CADM4: variants seen among roughly 807,000 people sequenced by gnomAD.
CADM4 encodes TSLC1-like 2.
A neutral mutation model predicts 43.9 loss-of-function variants in CADM4; 13 were observed. The observed-to-expected ratio is 0.30, with a 90% CI of 0.19 to 0.47. The LOEUF (loss-of-function observed/expected upper bound fraction) is 0.47, where lower values mean the gene tolerates loss of function less well. Ranked by LOEUF, CADM4 falls within the 20% of genes least tolerant of loss-of-function variation. The probability of loss-of-function intolerance (pLI) is 1.00; values close to 1 mark genes in which losing one functional copy is unlikely to be tolerated. For missense variants in CADM4, 420 were observed against 527.0 expected, an observed-to-expected ratio of 0.80 and a Z score of 1.99; for synonymous variants, 209 against 220.9, an observed-to-expected ratio of 0.95 and a Z score of 0.48.
rs1398755926 is a variant in CADM4, at chr19:43,627,595, C to T, written c.211+49G>A. On this transcript the variant is annotated intron_variant, in intron 2 of 8. Coordinates refer to ENST00000222374, the MANE Select transcript of CADM4 (RefSeq NM_145296.2). This position sits in a 1 kb window ranked among gnomAD's most constrained non-coding sequence, Gnocchi z 4.0. The stretch of plus-strand genomic sequence containing the variant: ...CTTTCAGGACATGGGAGCCTGGGCC[C>T]CAGCCCTCTCTTCCTTTAAGACTCC... The T allele has an allele frequency of 6.3e-7, 1 of 1,575,352 alleles. No individual in the cohort carries two copies. Among genetic ancestry groups the T allele is most frequent in the Admixed American group, 1.7e-5 (1 of 58,222 alleles).
At position 43,623,293 on chromosome 19, in the gene CADM4, G is replaced by C. The variant is rs1199125579; in HGVS notation, c.*37C>G. 1.3e-6 allele frequency: 2 copies of C among 1,521,462 alleles called. No individual in the cohort carries two copies. The highest frequency in any genetic ancestry group is 1.8e-6 in the Non-Finnish European group (2 of 1,097,746). 94.2% of individuals were successfully genotyped at this position (1,521,462 alleles called of 1,614,324 possible). Reference sequence around the variant, plus strand: ...GCAGCTGGCAGTGGGGGGGACCCCAGCCCAGGCCCAGGCCTAGGCCTGGGG... The same window carrying C: ...GCAGCTGGCAGTGGGGGGGACCCCACCCCAGGCCCAGGCCTAGGCCTGGGG... On this transcript the variant is annotated 3_prime_UTR_variant, in exon 9 of 9. Transcript: ENST00000222374. The surrounding 1 kb of genome is among the most constrained non-coding windows in gnomAD (Gnocchi z 4.4).
At chr19:43,637,259 C>T (rs1600103034) in intron 1 of CADM4, among the ~76,000 whole-genome samples, 1 of 152,032 alleles carries the variant, frequency 6.6e-6, no homozygotes, top group Non-Finnish European at 1.5e-5. Context: ...GCTGGCTGGG[C>T]AAGGTGAGAG....
At chr19:43,640,882 A>G (rs1973765120), upstream of CADM4, among the ~76,000 whole-genome samples, 1 of 151,506 alleles carries the variant, frequency 6.6e-6, no homozygotes, top group Non-Finnish European at 1.5e-5. Flanking sequence ...GTGAGAAACC[A>G]TGGAAAGAAG....
In CADM4 at chr19:43,623,525, G is replaced by A; in HGVS notation, c.1058-86C>T. 1 of 842,672 alleles carries A rather than the reference G, an allele frequency of 1.2e-6. No homozygotes were observed. Among genetic ancestry groups the A allele is most frequent in the Non-Finnish European group, 2.1e-6 (1 of 483,446 alleles). The allele number at this position is 842,672 out of a possible 1,614,324, so 52.2% of individuals were successfully genotyped here. A position where few individuals can be genotyped will look rare whatever the true frequency, so the allele number is the denominator to read the frequency against. ...AGAAGTATAAGGGAAGAGGGAGACA[G>A]ACAAGACACATGCCAGGCGAAGGAA... On this transcript the variant is annotated intron_variant, in intron 8 of 8. Coordinates refer to ENST00000222374, the MANE Select transcript of CADM4 (RefSeq NM_145296.2). This position sits in a 1 kb window ranked among gnomAD's most constrained non-coding sequence, Gnocchi z 4.4.
At chr19:43,635,141 G>C (rs1019720487) in intron 1 of CADM4, among the ~76,000 whole-genome samples, 2 of 151,330 alleles carry the variant, frequency 1.3e-5, no homozygotes, top group Non-Finnish European at 2.9e-5. Flanking sequence ...TAAGCAGGGT[G>C]GGGGGAGCGC....
chr19:43,628,805 G>A (rs1860736478), intron 1 of CADM4, among the ~76,000 whole-genome samples: 2 of 152,214 alleles, frequency 1.3e-5, no homozygotes, highest in Non-Finnish European at 2.9e-5. Flanking sequence ...TGGTGAAAGA[G>A]AAGCCCAGCC....
Position 43,626,114 on chromosome 19 carries a change from G to A in CADM4, c.664+10C>T, listed in dbSNP as rs926413050. On this transcript the variant is annotated intron_variant, in intron 5 of 8. Coordinates refer to ENST00000222374, the MANE Select transcript of CADM4 (RefSeq NM_145296.2). The surrounding 1 kb of genome is among the most constrained non-coding windows in gnomAD (Gnocchi z 5.9). ...GGGATCCCTTGGGTCCTGGCCCGCCGGTCACTTACACTGCACATCCAGCAC... is the reference window on the plus strand; with the variant it reads ...GGGATCCCTTGGGTCCTGGCCCGCCAGTCACTTACACTGCACATCCAGCAC... The A allele has an allele frequency of 3.7e-6, 6 of 1,613,230 alleles. No homozygotes were observed. Among genetic ancestry groups the A allele is most frequent in the East Asian group, 2.2e-5 (1 of 44,856 alleles).
At position 43,623,588 on chromosome 19, in the gene CADM4, G is replaced by A; in HGVS notation, c.1058-149C>T. The A allele has an allele frequency of 1.5e-6, 1 of 656,438 alleles. No individual in the cohort carries two copies. The highest frequency in any genetic ancestry group is 2.8e-6 in the Non-Finnish European group (1 of 363,538). The allele number at this position is 656,438 out of a possible 1,614,324, so 40.7% of individuals were successfully genotyped here. A position where few individuals can be genotyped will look rare whatever the true frequency, so the allele number is the denominator to read the frequency against. ...GAACACACAGGGAGAGGCAGAGAAA[G>A]AGGTAAACAGTGGCAGAGAAAGAGG... is the stretch of plus-strand genomic sequence containing the variant. On this transcript the variant is annotated intron_variant, in intron 8 of 8. Coordinates refer to ENST00000222374, the MANE Select transcript of CADM4 (RefSeq NM_145296.2). The surrounding 1 kb of genome is among the most constrained non-coding windows in gnomAD (Gnocchi z 4.4).
intron 1 of CADM4, 88 bp downstream of exon 1, chr19:43,639,639 G>T: frequency 1.3e-6 from 1 of 767,370 alleles, no homozygotes; most frequent in Non-Finnish European, 1.6e-6. Context: ...CGCATTGTTC[G>T]GCCTCTGCGG....
At chr19:43,629,365 A>C (rs1227697356) in intron 1 of CADM4, among the ~76,000 whole-genome samples, 1 of 152,138 alleles carries the variant, frequency 6.6e-6, no homozygotes, top group Non-Finnish European at 1.5e-5. Context: ...TACAGCCTTT[A>C]ACCTACCCTG....
Position 43,625,171 on chromosome 19 carries a change from G to A in CADM4, c.835C>T (p.Pro279Ser), listed in dbSNP as rs750076316. The stretch of plus-strand genomic sequence containing the variant: ...CCGTTATCCGCGGATACCAGACCCG[G>A]CAGCGTGAGCGTCTCTCCCACGGCC... ...AEAVGETLTLPGLVSADNGTY... is the reference protein window; with the variant it reads ...AEAVGETLTLSGLVSADNGTY... The change falls in exon 7 of 9, where the codon CCG (proline) becomes TCG (serine). Residue 279 changes from proline (P) to serine (S), a missense_variant. By Grantham distance (74) the Pro-to-Ser change is moderately conservative. Coordinates refer to ENST00000222374, the MANE Select transcript of CADM4 (RefSeq NM_145296.2). The surrounding 1 kb of genome is among the most constrained non-coding windows in gnomAD (Gnocchi z 4.5). The A allele has an allele frequency of 8.1e-6, 13 of 1,614,216 alleles. No individual in the cohort carries two copies. Among genetic ancestry groups the A allele is most frequent in the Non-Finnish European group, 1.1e-5 (13 of 1,180,032 alleles).
chr19:43,639,754 G>A lies in CADM4; in HGVS notation c.37C>T (p.Leu13=). 9.7e-7 allele frequency: 1 copy of A among 1,026,588 alleles called. No individual in the cohort carries two copies. The highest frequency in any genetic ancestry group is 1.2e-6 in the Non-Finnish European group (1 of 854,444). The allele number at this position is 1,026,588 out of a possible 1,614,324, so 63.6% of individuals were successfully genotyped here. Residue 13 remains leucine, a synonymous_variant, in exon 1 of 9, where the codon CTG becomes TTG. Coordinates refer to ENST00000222374, the MANE Select transcript of CADM4 (RefSeq NM_145296.2). ...GGCCCCGCCGCGGCCGCCCACAGCA[G>A]CAGCAGCGGCCACTGGAAGCGCCGG... ...RARRFQWPLL[L]LWAAAAGPGA...
upstream of CADM4, among the ~76,000 whole-genome samples, chr19:43,640,378 G>A (rs1022658331): frequency 1.3e-5 from 2 of 151,862 alleles, no homozygotes; most frequent in Non-Finnish European, 2.9e-5. Flanking sequence ...CTAGCGAGAG[G>A]CTGTGAGCTG....
chr19:43,627,589 T>C lies in CADM4; in HGVS notation c.211+55A>G. On this transcript the variant is annotated intron_variant, in intron 2 of 8. Transcript: ENST00000222374. This position sits in a 1 kb window ranked among gnomAD's most constrained non-coding sequence, Gnocchi z 4.0. The stretch of plus-strand genomic sequence containing the variant: ...TGTCCTCTTTCAGGACATGGGAGCC[T>C]GGGCCCCAGCCCTCTCTTCCTTTAA... 6.4e-7 allele frequency: 1 copy of C among 1,565,230 alleles called. No homozygotes were observed. Among genetic ancestry groups the C allele is most frequent in the Admixed American group, 1.7e-5 (1 of 57,182 alleles).
At position 43,627,923 on chromosome 19, in the gene CADM4, T is replaced by C. The variant is rs1973556436; in HGVS notation, c.65-133A>G. ...TCATTCATTCCATTGCACTGAACAT[T>C]TCCTGCAGGCTAGAGTCCAGGACAG... On this transcript the variant is annotated intron_variant, in intron 1 of 8. Coordinates refer to ENST00000222374, the MANE Select transcript of CADM4 (RefSeq NM_145296.2). This position sits in a 1 kb window ranked among gnomAD's most constrained non-coding sequence, Gnocchi z 4.0. 9.0e-6 allele frequency: 8 copies of C among 889,860 alleles called. No homozygotes were observed. The South Asian group carries it at 1.0e-4, about 11-fold the overall frequency. The allele number at this position is 889,860 out of a possible 1,614,324, so 55.1% of individuals were successfully genotyped here. A position where few individuals can be genotyped will look rare whatever the true frequency, so the allele number is the denominator to read the frequency against.
Position 43,624,101 on chromosome 19 carries a change from C to G in CADM4, c.1057+13G>C, listed in dbSNP as rs1459913855. The G allele has an allele frequency of 1.2e-6, 2 of 1,614,128 alleles. No homozygotes were observed. Among genetic ancestry groups the G allele is most frequent in the East Asian group, 2.2e-5 (1 of 44,876 alleles). ...ACCAACCAACCGTAGAGTCCAGGCC[C>G]CGTCCCACTCACCCTTCTGCCGTAC... On this transcript the variant is annotated intron_variant, in intron 8 of 8. Transcript: ENST00000222374.
intron 1 of CADM4, among the ~76,000 whole-genome samples, chr19:43,631,356 A>G (rs1232330775): frequency 6.6e-6 from 1 of 151,996 alleles, no homozygotes; most frequent in Non-Finnish European, 1.5e-5. Context: ...AGAAAAAAAA[A>G]AAAGAAATAA....
At chr19:43,630,354 C>T (rs1413941340) in intron 1 of CADM4, among the ~76,000 whole-genome samples, 10 of 130,896 alleles carry the variant, frequency 7.6e-5, no homozygotes, top group African/African-American at 2.4e-4. Flanking sequence ...GGTACGATCT[C>T]GGCTCACTGC....
rs1418806911 is a variant in CADM4 at position 43,627,449 on chromosome 19, A to G, written c.212-131T>C. 6.4e-6 allele frequency: 8 copies of G among 1,250,634 alleles called. No homozygotes were observed. Among genetic ancestry groups the G allele is most frequent in the Non-Finnish European group, 8.7e-6 (8 of 922,446 alleles). The allele number at this position is 1,250,634 out of a possible 1,614,324, so 77.5% of individuals were successfully genotyped here. ...CCATATCTATGAGTCTGAGGTGTCC[A>G]ACTATTTACTCCCTTGAGGACCCAG... On this transcript the variant is annotated intron_variant, in intron 2 of 8. Coordinates refer to ENST00000222374, the MANE Select transcript of CADM4 (RefSeq NM_145296.2). This position sits in a 1 kb window ranked among gnomAD's most constrained non-coding sequence, Gnocchi z 4.0.
Sources: gnomAD v4.1 joint callset for allele counts (sites outside exome capture counted in the v4.1 genomes callset) on GRCh38, gnomAD v4.1.1 for gene constraint, Gnocchi (gnomAD v3.1) non-coding constraint, MANE v1.5 for transcripts, NCBI Gene and HGNC (gene_info 2026-07-23, HGNC 2026-07-21) for gene names.